Variants in PPP1R9A observed in about 807,000 individuals in gnomAD.
The protein encoded by PPP1R9A is protein phosphatase 1 regulatory subunit 9A, also known as neurabin-1.
Under a neutral mutation model 141.9 loss-of-function variants are expected in PPP1R9A, and 59 were observed. The ratio of observed to expected loss-of-function variants is 0.42; its 90% CI spans 0.34 to 0.52. PPP1R9A has a LOEUF of 0.52. Among genes scored for constraint, PPP1R9A ranks in the 20% least tolerant of loss-of-function variants. The pLI, the probability that PPP1R9A is intolerant of heterozygous loss-of-function variation, is 0.10. For synonymous variants in PPP1R9A, 500 were observed against 569.7 expected (o/e 0.88, Z 1.74); for missense variants, 1,444 against 1,611.9 (o/e 0.90, Z 1.78).
intron 2 of PPP1R9A, among the ~76,000 whole-genome samples, chr7:95,070,610 TACACAC>T (rs1425064497): frequency 5.3e-5 from 5 of 94,088 alleles, no homozygotes; most frequent in African/African-American, 9.4e-5. Context: ...TATATATATA[TACACAC>T]ACACACACAT....
intron 12 of PPP1R9A, among the ~76,000 whole-genome samples, chr7:95,267,144 T>C (rs1422325034): frequency 6.6e-6 from 1 of 152,128 alleles, no homozygotes; most frequent in African/African-American, 2.4e-5. Context: ...GTTAGAGCCA[T>C]ATACTAAGTG....
intron 4 of PPP1R9A, among the ~76,000 whole-genome samples, chr7:95,130,564 G>A (rs1824403403): frequency 6.6e-6 from 1 of 152,132 alleles, no homozygotes; most frequent in African/African-American, 2.4e-5. Flanking sequence ...GAGGGCCACT[G>A]TCCTCTAGAC....
chr7:95,032,310 A>G (rs576819852), intron 2 of PPP1R9A, among the ~76,000 whole-genome samples: 2 of 152,306 alleles, frequency 1.3e-5, no homozygotes, highest in South Asian at 2.1e-4. Flanking sequence ...TTATGAAAAC[A>G]TGTCACAGAG....
chr7:95,133,513 T>TTATATATATATATATATATATATATA (rs10570222), intron 4 of PPP1R9A, among the ~76,000 whole-genome samples: 1 of 132,686 alleles, frequency 7.5e-6, no homozygotes, highest in Non-Finnish European at 1.6e-5. Flanking sequence ...TGCAGTCGTA[T>TTATATATATATATATATATATATATA]TATATATATA....
chr7:95,005,111 C>T (rs958061157), intron 2 of PPP1R9A, among the ~76,000 whole-genome samples: 1 of 152,056 alleles, frequency 6.6e-6, no homozygotes, highest in Non-Finnish European at 1.5e-5. Flanking sequence ...ACCACGTGGG[C>T]AGGGATTTTG....
intron 18 of PPP1R9A, among the ~76,000 whole-genome samples, chr7:95,286,638 C>T (rs1563566118): frequency 6.6e-6 from 1 of 152,090 alleles, no homozygotes; most frequent in Non-Finnish European, 1.5e-5. Context: ...TTACTCCTTT[C>T]TTTTTTTCCT....
chr7:95,101,033 T>C (rs1818722007), intron 2 of PPP1R9A, among the ~76,000 whole-genome samples: 1 of 151,350 alleles, frequency 6.6e-6, no homozygotes, highest in Non-Finnish European at 1.5e-5. Flanking sequence ...TTTGTATTTT[T>C]AGTAGAGACG....
intron 2 of PPP1R9A, among the ~76,000 whole-genome samples, chr7:94,943,474 A>G (rs935157996): frequency 6.6e-6 from 1 of 152,234 alleles, no homozygotes; most frequent in East Asian, 1.9e-4. Flanking sequence ...TTCTTAGGCA[A>G]TAAAATGGGG....
intron 4 of PPP1R9A, among the ~76,000 whole-genome samples, chr7:95,157,966 A>G (rs527270319): frequency 6.6e-6 from 1 of 152,350 alleles, no homozygotes; most frequent in African/African-American, 2.4e-5. Flanking sequence ...TACTTGGTAA[A>G]TAAACCCAAA....
intron 2 of PPP1R9A, among the ~76,000 whole-genome samples, chr7:95,027,380 C>T (rs1473310701): frequency 6.6e-6 from 1 of 152,130 alleles, no homozygotes; most frequent in East Asian, 1.9e-4. Flanking sequence ...GGTGATGCCC[C>T]ACCCTGCTTC....
At chr7:94,934,518 T>A (rs1485086376) in intron 2 of PPP1R9A, among the ~76,000 whole-genome samples, 1 of 151,942 alleles carries the variant, frequency 6.6e-6, no homozygotes, top group African/African-American at 2.4e-5. Context: ...GTCAAAAAGA[T>A]CTGGCCTTTG....
chr7:95,187,392 C>T (rs1011451764), intron 5 of PPP1R9A, among the ~76,000 whole-genome samples: 18 of 151,960 alleles, frequency 1.2e-4, no homozygotes, highest in Admixed American at 7.9e-4. Context: ...TGAGCTTATT[C>T]GGATATTTTC....
intron 16 of PPP1R9A, among the ~76,000 whole-genome samples, chr7:95,282,280 C>T (rs1197537500): frequency 6.6e-6 from 1 of 152,116 alleles, no homozygotes; most frequent in Non-Finnish European, 1.5e-5. Context: ...TGCAGGGAGC[C>T]ATGACTGTGC....
At chr7:95,053,063 T>C (rs1306074338) in intron 2 of PPP1R9A, among the ~76,000 whole-genome samples, 1 of 152,172 alleles carries the variant, frequency 6.6e-6, no homozygotes, top group African/African-American at 2.4e-5. Context: ...GCATGCTGCC[T>C]TCATGGAGCC....
chr7:95,028,609 T>C (rs1401648261), intron 2 of PPP1R9A, among the ~76,000 whole-genome samples: 1 of 152,210 alleles, frequency 6.6e-6, no homozygotes, highest in Non-Finnish European at 1.5e-5. Context: ...GTGTGTTCAC[T>C]TGGCTGAATA....
At chr7:94,954,831 ATGCGTGTG>A (rs1423543227) in intron 2 of PPP1R9A, among the ~76,000 whole-genome samples, 2 of 91,438 alleles carry the variant, frequency 2.2e-5, no homozygotes, top group Non-Finnish European at 4.4e-5. Flanking sequence ...GTTTGTAAAT[ATGCGTGTG>A]TGTGTGTGTG....
At chr7:95,041,884 A>G (rs1173933139) in intron 2 of PPP1R9A, among the ~76,000 whole-genome samples, 1 of 152,172 alleles carries the variant, frequency 6.6e-6, no homozygotes, top group Non-Finnish European at 1.5e-5. Context: ...GATAAATTTG[A>G]GATCTATTTG....
intron 2 of PPP1R9A, among the ~76,000 whole-genome samples, chr7:95,108,302 C>CGTTTCTTTTTTTT (rs1204011323): frequency 8.7e-5 from 6 of 68,760 alleles, no homozygotes; most frequent in Non-Finnish European, 1.6e-4. Context: ...TTTTTCGTTT[C>CGTTTCTTTTTTTT]TTTTCTTTTT....
intron 8 of PPP1R9A, among the ~76,000 whole-genome samples, chr7:95,242,495 A>AT (rs1797593172): frequency 6.6e-6 from 1 of 152,152 alleles, no homozygotes; most frequent in South Asian, 2.1e-4. Context: ...CAGTCTCACT[A>AT]TTTAAGTTTC....
Sources: allele counts gnomAD v4.1 joint callset (sites outside exome capture counted in the v4.1 genomes callset), GRCh38; gene constraint gnomAD v4.1.1; transcripts MANE v1.5; gene names NCBI Gene and HGNC (gene_info 2026-07-23, HGNC 2026-07-21).